Variants in KIF13A observed in about 807,000 individuals in gnomAD.
The protein encoded by KIF13A is kinesin family member 13A.
In KIF13A, 79 loss-of-function variants were observed where a neutral mutation model predicts 212.2. That is an observed-to-expected ratio of 0.37 (90% CI 0.31 to 0.45). The LOEUF (loss-of-function observed/expected upper bound fraction) is 0.45. KIF13A is among the 20% of genes least tolerant of loss of function. The pLI is 1.00. For missense variants in KIF13A, 1,901 were observed against 2,209.0 expected (o/e 0.86, Z 2.79); for synonymous variants, 789 against 808.6 (o/e 0.98, Z 0.41).
Position 17,808,891 on chromosome 6 carries a change from C to T in KIF13A, c.2040G>A (p.Glu680=), listed in dbSNP as rs778436912. 3 of 1,613,168 alleles carry T rather than the reference C, an allele frequency of 1.9e-6. No homozygotes were observed. Among genetic ancestry groups the T allele is most frequent in the East Asian group, 2.2e-5 (1 of 44,858 alleles). ...LFRQSLAKLR[E]QLVKANTLVR... ...CCAAGGTATTAGCTTTAACCAGCTG[C>T]TCTCGCAGTTTTGCCAGGCTTTGTC... Residue 680 remains glutamate (E), a synonymous_variant, in exon 18 of 39, where the codon GAG becomes GAA. Coordinates refer to ENST00000259711, the MANE Select transcript of KIF13A (RefSeq NM_022113.6).
In KIF13A at chr6:17,838,856, C is replaced by A. The variant is rs1046851343; in HGVS notation, c.831-1273G>T. The stretch of plus-strand genomic sequence containing the variant: ...TTGAGATGGAATCTCGCTCTGTCAC[C>A]CAGGCTGGAGTTCAGTGGCATGATA... On this transcript the variant is annotated intron_variant, in intron 9 of 38. Coordinates refer to ENST00000259711, the MANE Select transcript of KIF13A (RefSeq NM_022113.6). This position sits in a 1 kb window ranked among gnomAD's most constrained non-coding sequence, Gnocchi z 4.2. Among the ~76,000 whole-genome samples the A allele has an allele frequency of 4.6e-5, 7 of 152,030 alleles. No individual in the cohort carries two copies. The highest frequency in any genetic ancestry group is 2.0e-4 in the Admixed American group (3 of 15,256).
chr6:17,863,866 G>A (rs1769099946), intron 4 of KIF13A, among the ~76,000 whole-genome samples: 1 of 152,076 alleles, frequency 6.6e-6, no homozygotes, highest in African/African-American at 2.4e-5. Flanking sequence ...TCTCAGCATA[G>A]GAAAAGACGA....
rs780780672 is a variant in KIF13A, at chr6:17,776,234, A to G, written c.4170+1043T>C. On this transcript the variant is annotated intron_variant, in intron 34 of 38. Coordinates refer to ENST00000259711, the MANE Select transcript of KIF13A (RefSeq NM_022113.6). The surrounding 1 kb of genome is among the most constrained non-coding windows in gnomAD (Gnocchi z 4.6). ...ATTCTTTTTTACTCTACTTTTTAAT[A>G]TAAGAGCTATATATTTCCTAATAGT... Among the ~76,000 whole-genome samples, 5 of 152,168 alleles carry G rather than the reference A, an allele frequency of 3.3e-5. No homozygotes were observed. Among genetic ancestry groups the G allele is most frequent in the Non-Finnish European group, 5.9e-5 (4 of 68,024 alleles).
In KIF13A at chr6:17,772,799, G is replaced by A. The variant is rs76380513; in HGVS notation, c.4324+679C>T. 0.07 allele frequency among the ~76,000 whole-genome samples: 9,548 copies of A among 137,302 alleles called. 352 individuals are homozygous for A. The highest frequency in any genetic ancestry group is 0.092 in the Middle Eastern group (23 of 250). The allele number at this position is 137,302 out of a possible 152,430, so 90.1% of individuals were successfully genotyped here. ...ATTAATACTGTGTAAATTTTCTTGC[G>A]AGCCTCTTTTTTTCCCCCTCAGGCC... On this transcript the variant is annotated intron_variant, in intron 36 of 38. Coordinates refer to ENST00000259711, the MANE Select transcript of KIF13A (RefSeq NM_022113.6). The surrounding 1 kb of genome is among the most constrained non-coding windows in gnomAD (Gnocchi z 4.8).
chr6:17,983,172 CAAAAAAAA>C (rs530156481), intron 2 of KIF13A, among the ~76,000 whole-genome samples: 1 of 76,664 alleles, frequency 1.3e-5, no homozygotes. Context: ...GACTCCATCT[CAAAAAAAA>C]AAAAAAAAAG....
At chr6:17,969,678 TAGAG>T (rs948753723) in intron 2 of KIF13A, among the ~76,000 whole-genome samples, 21 of 152,200 alleles carry the variant, frequency 1.4e-4, no homozygotes, top group Non-Finnish European at 2.6e-4. Flanking sequence ...AAATTCAGAA[TAGAG>T]AAATATTTTT....
At chr6:17,959,173 A>C (rs747107524) in intron 2 of KIF13A, among the ~76,000 whole-genome samples, 31 of 152,292 alleles carry the variant, frequency 2.0e-4, no homozygotes, top group Non-Finnish European at 4.1e-4. Context: ...AAGGAGCTAC[A>C]TACATCTTAT....
intron 16 of KIF13A, chr6:17,821,803 TGGA>T (rs1562017311): frequency 6.5e-7 from 1 of 1,535,356 alleles, no homozygotes; most frequent in Admixed American, 2.0e-5. Flanking sequence ...CCAGTGTTTG[TGGA>T]GGAGCTTCGT....
intron 18 of KIF13A, 112 bp from the exon 19 acceptor site, chr6:17,805,727 CA>C: frequency 1.1e-6 from 1 of 920,294 alleles, no homozygotes; most frequent in East Asian, 2.7e-5. Context: ...TAAATGCATA[CA>C]AAAGAAGATA....
At chr6:17,759,637 A>G (rs1462562681), downstream of KIF13A, 2 of 152,326 alleles carry the variant, frequency 1.3e-5, no homozygotes, top group Admixed American at 1.3e-4. Context: ...CAATGTCTCC[A>G]TTTGTAGGAG....
At chr6:17,907,427 T>G (rs1773611234) in intron 2 of KIF13A, among the ~76,000 whole-genome samples, 1 of 152,168 alleles carries the variant, frequency 6.6e-6, no homozygotes, top group Non-Finnish European at 1.5e-5. Context: ...TTCAATGATG[T>G]GGATCATTCA....
intron 25 of KIF13A, among the ~76,000 whole-genome samples, chr6:17,790,354 C>T (rs1561975239): frequency 6.6e-6 from 1 of 152,096 alleles, no homozygotes; most frequent in Non-Finnish European, 1.5e-5. Flanking sequence ...GCAGTGAGCT[C>T]TGATTACACC....
intron 3 of KIF13A, among the ~76,000 whole-genome samples, chr6:17,876,180 T>A (rs920581029): frequency 2.6e-5 from 4 of 152,140 alleles, no homozygotes; most frequent in Non-Finnish European, 4.4e-5. Flanking sequence ...GCCCTTTATC[T>A]CTTGCAGTCC....
rs1285850227 is a variant in KIF13A at position 17,897,869 on chromosome 6, C to A, written c.159+299G>T. Reference sequence around the variant, plus strand: ...ATCTGTGAGTTAGGACATGCTATTTCATCTCTCTGAGTCTCATTTCATCAT... The same window carrying A: ...ATCTGTGAGTTAGGACATGCTATTTAATCTCTCTGAGTCTCATTTCATCAT... On this transcript the variant is annotated intron_variant, in intron 3 of 38. Transcript: ENST00000259711. This position sits in a 1 kb window ranked among gnomAD's most constrained non-coding sequence, Gnocchi z 4.8. Among the ~76,000 whole-genome samples the A allele has an allele frequency of 3.3e-5, 5 of 152,202 alleles. No individual in the cohort carries two copies. Among genetic ancestry groups the A allele is most frequent in the Non-Finnish European group, 7.3e-5 (5 of 68,048 alleles).
At position 17,915,218 on chromosome 6, in the gene KIF13A, G is replaced by A. The variant is rs952431437; in HGVS notation, c.147-17038C>T. On this transcript the variant is annotated intron_variant, in intron 2 of 38. Coordinates refer to ENST00000259711, the MANE Select transcript of KIF13A (RefSeq NM_022113.6). The surrounding 1 kb of genome is among the most constrained non-coding windows in gnomAD (Gnocchi z 4.4). ...TAGGTTACAGTTGAGACACACAAAC[G>A]GCCTTTTATGAGAGTCAGTCCAGGA... Among the ~76,000 whole-genome samples the A allele has an allele frequency of 2.0e-5, 3 of 152,072 alleles. No homozygotes were observed. The highest frequency in any genetic ancestry group is 7.2e-5 in the African/African-American group (3 of 41,412).
In KIF13A at chr6:17,902,395, T is replaced by C. The variant is rs548426510; in HGVS notation, c.147-4215A>G. The stretch of plus-strand genomic sequence containing the variant: ...ATACAATTTGACATTTTAGAAGACA[T>C]TCTAGGTTCCAGGATTTGGAGAGAA... On this transcript the variant is annotated intron_variant, in intron 2 of 38. Coordinates refer to ENST00000259711, the MANE Select transcript of KIF13A (RefSeq NM_022113.6). 8.5e-5 allele frequency among the ~76,000 whole-genome samples: 13 copies of C among 152,316 alleles called. 1 individual carries two copies. The South Asian group carries it at 2.7e-3, about 32-fold the overall frequency.
rs1774806875 is a variant in KIF13A at position 17,919,104 on chromosome 6, G to A, written c.147-20924C>T. On this transcript the variant is annotated intron_variant, in intron 2 of 38. Transcript: ENST00000259711. The surrounding 1 kb of genome is among the most constrained non-coding windows in gnomAD (Gnocchi z 4.1). ...CACTTGTAACATTTGAGAAAATGGTGATGTTTCCCTGAATAACTCCACTCT... is the reference window on the plus strand; with the variant it reads ...CACTTGTAACATTTGAGAAAATGGTAATGTTTCCCTGAATAACTCCACTCT... Among the ~76,000 whole-genome samples, 1 of 152,194 alleles carries A rather than the reference G, an allele frequency of 6.6e-6. No individual in the cohort carries two copies. Among genetic ancestry groups the A allele is most frequent in the Non-Finnish European group, 1.5e-5 (1 of 68,038 alleles).
At chr6:17,842,353 G>A (rs1405004740) in intron 9 of KIF13A, among the ~76,000 whole-genome samples, 2 of 151,966 alleles carry the variant, frequency 1.3e-5, no homozygotes, top group African/African-American at 4.8e-5. Flanking sequence ...GCCTGGCCAG[G>A]CTTACATATT....
chr6:17,821,975 G>C, intron 16 of KIF13A: 1 of 1,505,584 alleles, frequency 6.6e-7, no homozygotes, highest in Non-Finnish European at 8.9e-7. Flanking sequence ...ATCAGAGACT[G>C]TGTGTATGCC....
Sources: allele counts gnomAD v4.1 joint callset (sites outside exome capture counted in the v4.1 genomes callset), GRCh38; gene constraint gnomAD v4.1.1; non-coding constraint Gnocchi (gnomAD v3.1); transcripts MANE v1.5; gene names NCBI Gene and HGNC (gene_info 2026-07-23, HGNC 2026-07-21).